The following EHHADH variants were observed in gnomAD, a reference collection of about 807,000 sequenced individuals.
The protein encoded by EHHADH is peroxisomal bifunctional enzyme.
A neutral mutation model predicts 64.4 loss-of-function variants in EHHADH; 48 were observed. The observed-to-expected ratio is 0.75, with a 90% confidence interval of 0.59 to 0.95. EHHADH has a LOEUF of 0.95. EHHADH is among the 40% of genes least tolerant of loss of function. The pLI is 0.00. For synonymous variants in EHHADH, 308 were observed against 326.7 expected, an observed-to-expected ratio of 0.94 and a Z score of 0.62; for missense variants, 854 against 876.6, an observed-to-expected ratio of 0.97 and a Z score of 0.33.
At chr3:185,218,559 C>A (rs1259865518) in intron 4 of EHHADH, among the ~76,000 whole-genome samples, 1 of 152,100 alleles carries the variant, frequency 6.6e-6, no homozygotes, top group African/African-American at 2.4e-5. Flanking sequence ...GTGAGAATAA[C>A]AGATTCTCTT....
At chr3:185,240,174 C>T (rs1464640915) in intron 2 of EHHADH, among the ~76,000 whole-genome samples, 2 of 150,610 alleles carry the variant, frequency 1.3e-5, no homozygotes, top group East Asian at 3.9e-4. Flanking sequence ...CAGTATTTTG[C>T]TGATGATTTT....
At chr3:185,235,097 T>C (rs1719250621) in intron 3 of EHHADH, among the ~76,000 whole-genome samples, 193 bp downstream of exon 3, 1 of 152,086 alleles carries the variant, frequency 6.6e-6, no homozygotes, top group African/African-American at 2.4e-5. Flanking sequence ...GGAGAATTGC[T>C]TGAACTCGGG....
intron 5 of EHHADH, among the ~76,000 whole-genome samples, chr3:185,208,852 A>C (rs1419394060): frequency 6.6e-6 from 1 of 152,230 alleles, no homozygotes; most frequent in African/African-American, 2.4e-5. Flanking sequence ...AAAAAGGATC[A>C]AACTGTTGAT....
At position 185,218,173 on chromosome 3, in the gene EHHADH, C is replaced by A. The variant is rs148411037; in HGVS notation, c.531G>T (p.Pro177=). 6.2e-7 allele frequency: 1 copy of A among 1,606,510 alleles called. No individual in the cohort carries two copies. Among genetic ancestry groups the A allele is most frequent in the East Asian group, 2.2e-5 (1 of 44,494 alleles). The part of the protein sequence containing the change: ...GILDKVVNSD[P]VEEAIRFAQR... Reference sequence around the variant, plus strand: ...GAGCAAATCTGATTGCTTCTTCAACCGGGTCTGAGTTTACAACTTTATCTA... The same window carrying A: ...GAGCAAATCTGATTGCTTCTTCAACAGGGTCTGAGTTTACAACTTTATCTA... The change falls in exon 5 of 7, where the codon CCG becomes CCT. Residue 177 remains proline, a synonymous_variant. Coordinates refer to ENST00000231887, the MANE Select transcript of EHHADH (RefSeq NM_001966.4).
chr3:185,198,538 C>T (rs1001876918), intron 6 of EHHADH, among the ~76,000 whole-genome samples: 7 of 151,672 alleles, frequency 4.6e-5, no homozygotes, highest in Non-Finnish European at 8.8e-5. Context: ...TACCATTTTA[C>T]ATTGAATCGC....
intron 6 of EHHADH, among the ~76,000 whole-genome samples, chr3:185,197,577 T>G (rs114777462): frequency 0.01 from 1,530 of 152,368 alleles, 14 homozygotes; most frequent in Middle Eastern, 0.027. Context: ...TTATTTCACT[T>G]AGCAGTATGT....
intron 1 of EHHADH, among the ~76,000 whole-genome samples, chr3:185,253,424 TG>T (rs1400933896): frequency 1.7e-5 from 1 of 59,156 alleles, no homozygotes; most frequent in Non-Finnish European, 2.9e-5. Context: ...TGTTGTGGGG[TG>T]GGGGGAGGGG....
intron 6 of EHHADH, among the ~76,000 whole-genome samples, chr3:185,198,699 A>G (rs1010002773): frequency 3.9e-5 from 6 of 152,024 alleles, no homozygotes; most frequent in Non-Finnish European, 5.9e-5. Flanking sequence ...AAGTACAAAA[A>G]TTAGCCGGGC....
chr3:185,239,474 G>A (rs1719390338), intron 2 of EHHADH, among the ~76,000 whole-genome samples: 1 of 151,972 alleles, frequency 6.6e-6, no homozygotes, highest in African/African-American at 2.4e-5. Flanking sequence ...GTGTTTTGTA[G>A]TACCCCTTGT....
At chr3:185,215,320 G>A (rs1350453117) in intron 5 of EHHADH, among the ~76,000 whole-genome samples, 1 of 152,002 alleles carries the variant, frequency 6.6e-6, no homozygotes, top group African/African-American at 2.4e-5. Flanking sequence ...TGGAATACAA[G>A]TCAATAAAAA....
rs1719266132 is a variant in EHHADH at position 185,235,474 on chromosome 3, A to C, written c.179-12T>G. 1 of 1,597,972 alleles carries C rather than the reference A, an allele frequency of 6.3e-7. No homozygotes were observed. Among genetic ancestry groups the C allele is most frequent in the South Asian group, 1.1e-5 (1 of 88,746 alleles). On this transcript the variant is annotated splice_polypyrimidine_tract_variant and intron_variant, in intron 2 of 6. Transcript: ENST00000231887. ...ACGAATATCAGCACCTAAGGGCACA[A>C]AGACAAGGAGAAAACAGAGTTGAGA...
intron 6 of EHHADH, among the ~76,000 whole-genome samples, chr3:185,201,466 TG>T (rs1252745242): frequency 6.6e-6 from 1 of 152,120 alleles, no homozygotes; most frequent in Non-Finnish European, 1.5e-5. Flanking sequence ...CCATGGAGTG[TG>T]GGAGAAGCGG....
intron 5 of EHHADH, among the ~76,000 whole-genome samples, chr3:185,205,463 G>T (rs1255055841): frequency 6.6e-6 from 1 of 152,168 alleles, no homozygotes; most frequent in Non-Finnish European, 1.5e-5. Context: ...TGGTATTGAT[G>T]CAAGGATAGG....
At chr3:185,211,570 T>C (rs1205444537) in intron 5 of EHHADH, among the ~76,000 whole-genome samples, 1 of 152,184 alleles carries the variant, frequency 6.6e-6, no homozygotes, top group Non-Finnish European at 1.5e-5. Context: ...TCTCTCTCTC[T>C]CTCTCTAACC....
intron 6 of EHHADH, among the ~76,000 whole-genome samples, chr3:185,200,520 G>A (rs1366800492): frequency 6.6e-6 from 1 of 152,138 alleles, no homozygotes; most frequent in African/African-American, 2.4e-5. Flanking sequence ...GGTAGAATGT[G>A]GGGTTTGAAA....
At chr3:185,201,735 A>G (rs1294231355) in intron 6 of EHHADH, among the ~76,000 whole-genome samples, 5 of 152,152 alleles carry the variant, frequency 3.3e-5, no homozygotes, top group African/African-American at 9.7e-5. Context: ...AACAATGTGG[A>G]TATCATTTTA....
chr3:185,224,268 G>A (rs574028737), intron 4 of EHHADH, among the ~76,000 whole-genome samples: 1 of 152,056 alleles, frequency 6.6e-6, no homozygotes, highest in Admixed American at 6.5e-5. Context: ...GGGAGGCCGA[G>A]GCGGGTGGCT....
chr3:185,250,440 G>A (rs773345057), intron 1 of EHHADH, among the ~76,000 whole-genome samples: 1 of 152,096 alleles, frequency 6.6e-6, no homozygotes, highest in Non-Finnish European at 1.5e-5. Context: ...AAGAAGGAGG[G>A]GATTAATAAG....
chr3:185,192,505 T>C lies in EHHADH; in HGVS notation c.1893A>G (p.Ala631=). ...ERCLYSLINE[A]FRILGEGIAA... is the part of the protein sequence containing the mutation. ...CTATCCCTTCTCCCAAGATACGGAATGCTTCATTGATAAGTGAATATAAGC... is the reference window on the plus strand; with the variant it reads ...CTATCCCTTCTCCCAAGATACGGAACGCTTCATTGATAAGTGAATATAAGC... Residue 631 remains alanine (A), a synonymous_variant, in exon 7 of 7, where the codon GCA becomes GCG. Transcript: ENST00000231887. The C allele has an allele frequency of 6.2e-7, 1 of 1,614,224 alleles. No homozygotes were observed. The highest frequency in any genetic ancestry group is 8.5e-7 in the Non-Finnish European group (1 of 1,180,040).
Sources: allele counts gnomAD v4.1 joint callset (sites outside exome capture counted in the v4.1 genomes callset), GRCh38; gene constraint gnomAD v4.1.1; transcripts MANE v1.5; gene names NCBI Gene and HGNC (gene_info 2026-07-23, HGNC 2026-07-21).